The following ERBB4 variants were observed in gnomAD, a reference collection of about 807,000 sequenced individuals.
ERBB4 encodes the protein receptor tyrosine-protein kinase erbB-4.
ERBB4 carries 42 observed loss-of-function variants against 158.0 expected under a neutral mutation model. That is an observed-to-expected ratio of 0.27 (90% confidence interval 0.21 to 0.34). The LOEUF (loss-of-function observed/expected upper bound fraction) is 0.34. Among genes scored for constraint, ERBB4 ranks in the 10% least tolerant of loss-of-function variants. The pLI is 1.00. For synonymous variants in ERBB4, 583 were observed against 558.7 expected (o/e 1.04, Z -0.61); for missense variants, 1,333 against 1,624.1 (o/e 0.82, Z 3.08).
intron 20 of ERBB4, among the ~76,000 whole-genome samples, chr2:211,464,382 C>A (rs2064619984): frequency 6.6e-6 from 1 of 152,124 alleles, no homozygotes; most frequent in Non-Finnish European, 1.5e-5. Context: ...TCCACATCAG[C>A]CCTTTTGTCA....
rs561957910 is a variant in ERBB4, at chr2:211,525,581, G to C, written c.2487+36322C>G. Among the ~76,000 whole-genome samples, 3 of 152,258 alleles carry C rather than the reference G, an allele frequency of 2.0e-5. No homozygotes were observed. In the South Asian group the frequency reaches 6.2e-4, roughly 32 times the overall value. On this transcript the variant is annotated intron_variant, in intron 20 of 27. Coordinates refer to ENST00000342788, the MANE Select transcript of ERBB4 (RefSeq NM_005235.3). ...CCATGGGCCTTAGATGAGACTCTGA[G>C]ATGTGCTGGCTTCAGGCACCAGGTC...
In ERBB4 at chr2:211,393,740, CGTGTGTGTGTGTGTGTGTGT is replaced by C. The variant is rs58472959; in HGVS notation, c.3136-5768_3136-5749del. Reference sequence around the variant, plus strand: ...AACTTTGAGTATTAAGAGTTAATAGCGTGTGTGTGTGTGTGTGTGTGTGTGTGTGTGTGTGTGTGTGTGTA... The same window carrying C: ...AACTTTGAGTATTAAGAGTTAATAGCGTGTGTGTGTGTGTGTGTGTGTGTA... On this transcript the variant is annotated intron_variant, in intron 25 of 27. Coordinates refer to ENST00000342788, the MANE Select transcript of ERBB4 (RefSeq NM_005235.3). Among the ~76,000 whole-genome samples, 1,172 of 146,344 alleles carry C rather than the reference CGTGTGTGTGTGTGTGTGTGT, an allele frequency of 8.0e-3. 15 individuals are homozygous for C. The highest frequency in any genetic ancestry group is 0.027 in the African/African-American group (1,097 of 40,138).
At chr2:211,604,681 G>A (rs2068918909) in intron 19 of ERBB4, among the ~76,000 whole-genome samples, 1 of 152,122 alleles carries the variant, frequency 6.6e-6, no homozygotes, top group Non-Finnish European at 1.5e-5. Context: ...TCAACAGATT[G>A]TTTGGTTGAC....
At chr2:212,026,314 T>C (rs1481621564) in intron 2 of ERBB4, among the ~76,000 whole-genome samples, 1 of 151,712 alleles carries the variant, frequency 6.6e-6, no homozygotes, top group Non-Finnish European at 1.5e-5. Context: ...TTCCTAATAG[T>C]GAAGTTTAAA....
At chr2:211,923,312 C>T (rs1024870835) in intron 3 of ERBB4, among the ~76,000 whole-genome samples, 3 of 152,102 alleles carry the variant, frequency 2.0e-5, no homozygotes, top group South Asian at 2.1e-4. Flanking sequence ...TGGGATATAA[C>T]TTATCCATTG....
intron 3 of ERBB4, among the ~76,000 whole-genome samples, chr2:211,861,358 T>G (rs1393782158): frequency 4.6e-5 from 6 of 130,586 alleles, no homozygotes; most frequent in Admixed American, 2.5e-4. Context: ...TTGTTTTTTT[T>G]TTTTTTTTTT....
intron 2 of ERBB4, among the ~76,000 whole-genome samples, chr2:212,003,205 G>GAA (rs1309174755): frequency 8.9e-5 from 4 of 44,852 alleles, no homozygotes; most frequent in African/African-American, 1.6e-4. Context: ...AAGAAAGAAA[G>GAA]ACAGAAAGAA....
chr2:211,732,681 G>A (rs905057429), intron 5 of ERBB4, among the ~76,000 whole-genome samples: 5 of 152,148 alleles, frequency 3.3e-5, no homozygotes, highest in Admixed American at 1.3e-4. Context: ...GGGCCAGGCC[G>A]GACATGGTGG....
intron 4 of ERBB4, among the ~76,000 whole-genome samples, chr2:211,761,509 T>G (rs552469255): frequency 3.3e-5 from 5 of 152,326 alleles, no homozygotes; most frequent in Admixed American, 3.3e-4. Context: ...CAGAGAATTG[T>G]CCCTCTGTGG....
At chr2:212,136,207 A>G (rs535108963) in intron 1 of ERBB4, among the ~76,000 whole-genome samples, 2 of 152,350 alleles carry the variant, frequency 1.3e-5, no homozygotes, top group East Asian at 3.9e-4. Context: ...CTATACTCAC[A>G]TATCAAGGTG....
intron 14 of ERBB4, among the ~76,000 whole-genome samples, chr2:211,672,151 A>T (rs1456974582): frequency 6.6e-6 from 1 of 152,122 alleles, no homozygotes; most frequent in Non-Finnish European, 1.5e-5. Context: ...AATGATATAT[A>T]TATTTTTTCT....
chr2:212,369,071 C>T (rs1009171683), intron 1 of ERBB4, among the ~76,000 whole-genome samples: 15 of 151,978 alleles, frequency 9.9e-5, no homozygotes, highest in Non-Finnish European at 1.8e-4. Flanking sequence ...ACAAAGGTTG[C>T]AAAAAGTGGC....
chr2:211,836,962 G>T (rs2077357207), intron 3 of ERBB4, among the ~76,000 whole-genome samples: 1 of 151,860 alleles, frequency 6.6e-6, no homozygotes, highest in Non-Finnish European at 1.5e-5. Flanking sequence ...TTAAAATATT[G>T]TTCCATCTCT....
At chr2:211,439,556 A>G (rs1382004349) in intron 20 of ERBB4, among the ~76,000 whole-genome samples, 1 of 152,200 alleles carries the variant, frequency 6.6e-6, no homozygotes, top group African/African-American at 2.4e-5. Context: ...AATGGTTAAG[A>G]TCATTGCTTT....
intron 3 of ERBB4, among the ~76,000 whole-genome samples, chr2:211,839,661 T>C (rs1197643804): frequency 6.6e-6 from 1 of 152,140 alleles, no homozygotes; most frequent in Non-Finnish European, 1.5e-5. Flanking sequence ...CCAAATCTCT[T>C]TGTAAATATA....
intron 9 of ERBB4, among the ~76,000 whole-genome samples, chr2:211,707,073 G>A (rs201290672): frequency 7.9e-5 from 12 of 152,196 alleles, no homozygotes; most frequent in Admixed American, 2.6e-4. Context: ...AGCTCAGGTC[G>A]TATAATCAAA....
intron 1 of ERBB4, among the ~76,000 whole-genome samples, chr2:212,537,910 G>A (rs1353253371): frequency 6.6e-6 from 1 of 152,162 alleles, no homozygotes; most frequent in Non-Finnish European, 1.5e-5. Context: ...CGCGAGTTGC[G>A]TCTGACGCCA....
At position 211,485,205 on chromosome 2, in the gene ERBB4, TACAAATCTTGATTG is replaced by T. The variant is rs148478735; in HGVS notation, c.2488-54119_2488-54106del. Among the ~76,000 whole-genome samples the T allele has an allele frequency of 1.5e-3, 234 of 152,296 alleles. 2 individuals carry two copies. The highest frequency in any genetic ancestry group is 5.4e-3 in the African/African-American group (225 of 41,576). ...TTACCTTCTTTTTGTGTCTTAGTTT[TACAAATCTTGATTG>T]ACTTTGTGAAATAGCCCAGAATCTA... On this transcript the variant is annotated intron_variant, in intron 20 of 27. Transcript: ENST00000342788.
intron 20 of ERBB4, among the ~76,000 whole-genome samples, chr2:211,507,177 A>C (rs143477574): frequency 9.9e-5 from 15 of 152,236 alleles, no homozygotes; most frequent in Non-Finnish European, 2.1e-4. Flanking sequence ...AGAAATCCTA[A>C]ACGGACAAAC....
Sources: allele counts gnomAD v4.1 joint callset (sites outside exome capture counted in the v4.1 genomes callset), GRCh38; gene constraint gnomAD v4.1.1; transcripts MANE v1.5; gene names NCBI Gene and HGNC (gene_info 2026-07-23, HGNC 2026-07-21).